The following DHRS7 variants were observed in gnomAD, a reference collection of about 807,000 sequenced individuals.
DHRS7 encodes dehydrogenase/reductase 7.
Under a neutral mutation model 38.9 loss-of-function variants are expected in DHRS7, and 34 were observed. The observed-to-expected ratio is 0.87, with a 90% CI of 0.66 to 1.16. The LOEUF (loss-of-function observed/expected upper bound fraction) is 1.16. Ranked by LOEUF, DHRS7 falls within the 50% of genes most tolerant of loss-of-function variation. The pLI is 0.00. For synonymous variants in DHRS7, 158 were observed against 153.1 expected (o/e 1.03, Z -0.24); for missense variants, 421 against 407.0 (o/e 1.03, Z -0.30).
chr14:60,154,837 A>G (rs1010748942), intron 2 of DHRS7, among the ~76,000 whole-genome samples: 2 of 152,136 alleles, frequency 1.3e-5, no homozygotes, highest in African/African-American at 4.8e-5. Flanking sequence ...TGGTTCATCT[A>G]CTCCACCAGT....
chr14:60,155,903 G>A, intron 2 of DHRS7, 97 bp downstream of exon 2: 1 of 1,231,224 alleles, frequency 8.1e-7, no homozygotes, highest in Non-Finnish European at 1.1e-6. Context: ...TTGGAGCCGG[G>A]GGGAAATCTC....
At position 60,144,958 on chromosome 14, in the gene DHRS7, T is replaced by TGC; in HGVS notation, c.*6_*7dup. 1.2e-6 allele frequency: 2 copies of TGC among 1,604,448 alleles called. No individual in the cohort carries two copies. The highest frequency in any genetic ancestry group is 2.2e-5 in the South Asian group (2 of 89,536). ...CCTCCAGTGGCTTGAAAAGTACAGG[T>TGC]GCTCTTTTCAGTCATGTTTTGTCTT... On this transcript the variant is annotated 3_prime_UTR_variant, in exon 7 of 7. Coordinates refer to ENST00000557185, the MANE Select transcript of DHRS7 (RefSeq NM_016029.4).
At chr14:60,165,445 C>G (rs1896853552), upstream of DHRS7, 4 of 1,372,360 alleles carry the variant, frequency 2.9e-6, no homozygotes, top group Non-Finnish European at 3.7e-6. The surrounding 1 kb of genome is among the most constrained non-coding windows in gnomAD (Gnocchi z 4.6). Context: ...GGGAGCAGGC[C>G]GGGAGGAGGA....
chr14:60,150,511 C>G (rs1896521617), intron 4 of DHRS7, among the ~76,000 whole-genome samples: 1 of 152,078 alleles, frequency 6.6e-6, no homozygotes, highest in African/African-American at 2.4e-5. Context: ...GTTCCCCTTC[C>G]TGTGTCCAAG....
chr14:60,152,924 T>C lies in DHRS7; in HGVS notation c.633+15A>G, dbSNP rs762386578. ...TTAAGTCAGTTCTATCAGAGTTGAG[T>C]TTGAGCAGCCTTACCCGGAGAGCAT... On this transcript the variant is annotated intron_variant, in intron 4 of 6. Coordinates refer to ENST00000557185, the MANE Select transcript of DHRS7 (RefSeq NM_016029.4). The C allele has an allele frequency of 1.2e-5, 19 of 1,613,698 alleles. No homozygotes were observed. In the African/African-American group the frequency reaches 2.5e-4, roughly 22 times the overall value.
At position 60,153,813 on chromosome 14, in the gene DHRS7, C is replaced by T. The variant is rs970547027; in HGVS notation, c.393+146G>A. On this transcript the variant is annotated intron_variant, in intron 3 of 6. Coordinates refer to ENST00000557185, the MANE Select transcript of DHRS7 (RefSeq NM_016029.4). The surrounding 1 kb of genome is among the most constrained non-coding windows in gnomAD (Gnocchi z 4.4). ...TACTAATTCCATAATGACAAAGGCT[C>T]AGAGATTAAGGGGCCCAACTCATGG... is the stretch of plus-strand genomic sequence containing the variant. 2 of 604,296 alleles carry T rather than the reference C, an allele frequency of 3.3e-6. No individual in the cohort carries two copies. The highest frequency in any genetic ancestry group is 3.7e-5 in the African/African-American group (2 of 53,888). The allele number at this position is 604,296 out of a possible 1,614,324, so 37.4% of individuals were successfully genotyped here.
chr14:60,168,567 A>C, upstream of DHRS7: 1 of 1,182,620 alleles, frequency 8.5e-7, no homozygotes, highest in Non-Finnish European at 1.2e-6. Flanking sequence ...GTGAATCTAT[A>C]ATCATTTTAA....
chr14:60,166,301 T>C (rs1896866312), upstream of DHRS7: 1 of 985,116 alleles, frequency 1.0e-6, no homozygotes, highest in South Asian at 4.7e-5. Context: ...CCAGTTAGAG[T>C]GCATAGAAAC....
chr14:60,166,180 A>G, upstream of DHRS7: 1 of 965,192 alleles, frequency 1.0e-6, no homozygotes, highest in South Asian at 4.8e-5. Context: ...AAAACATTTA[A>G]TTGCTTCCCA....
chr14:60,144,983 T>TA lies in DHRS7; in HGVS notation c.1002dup (p.Lys335Ter). On this transcript the variant is annotated frameshift_variant, in exon 7 of 7. Transcript: ENST00000557185. LOFTEE classifies it high-confidence loss of function. The stretch of plus-strand genomic sequence containing the variant: ...TGCTCTTTTCAGTCATGTTTTGTCT[T>TA]AAAGATTTTAAAATAAGAAGAGTCT... 1 of 1,603,140 alleles carries TA rather than the reference T, an allele frequency of 6.2e-7. No individual in the cohort carries two copies. The highest frequency in any genetic ancestry group is 8.5e-7 in the Non-Finnish European group (1 of 1,176,954).
At chr14:60,169,267 T>C (rs1482438365), upstream of DHRS7, 1 of 151,740 alleles carries the variant, frequency 6.6e-6, no homozygotes, top group Non-Finnish European at 1.5e-5. Context: ...CATACTGTTC[T>C]CTCCACATAG....
upstream of DHRS7, chr14:60,165,722 G>A (rs1159285871): frequency 5.3e-5 from 51 of 965,180 alleles, no homozygotes; most frequent in Non-Finnish European, 6.1e-5. The surrounding 1 kb of genome is among the most constrained non-coding windows in gnomAD (Gnocchi z 4.6). Context: ...ACGGCCAGGA[G>A]ACAGATAGAA....
chr14:60,152,993 A>C lies in DHRS7; in HGVS notation c.579T>G (p.Gly193=), dbSNP rs1211814307. ...CAATGGAAAGAGGTACAGATATGAT[A>C]CCCAGGATGCTATTCACAGTAACAA... ...GKIVTVNSIL[G]IISVPLSIGY... The change falls in exon 4 of 7, where the codon GGT becomes GGG. Residue 193 remains glycine, a synonymous_variant. Coordinates refer to ENST00000557185, the MANE Select transcript of DHRS7 (RefSeq NM_016029.4). 1 of 1,614,042 alleles carries C rather than the reference A, an allele frequency of 6.2e-7. No individual in the cohort carries two copies. Among genetic ancestry groups the C allele is most frequent in the African/African-American group, 1.3e-5 (1 of 74,928 alleles).
chr14:60,168,242 A>G (rs1896890659), upstream of DHRS7, among the ~76,000 whole-genome samples: 1 of 152,242 alleles, frequency 6.6e-6, no homozygotes, highest in Non-Finnish European at 1.5e-5. Flanking sequence ...TAGATTAGCC[A>G]ATTTCCACAG....
chr14:60,160,325 AAAAC>A (rs1257126283), intron 1 of DHRS7, among the ~76,000 whole-genome samples: 1 of 151,606 alleles, frequency 6.6e-6, no homozygotes, highest in Non-Finnish European at 1.5e-5. Context: ...CAAAAAACAA[AAAAC>A]AAAAAAAAAA....
chr14:60,154,072 A>G lies in DHRS7; in HGVS notation c.287-7T>C, dbSNP rs377013175. The G allele has an allele frequency of 3.4e-4, 547 of 1,610,926 alleles. 1 individual carries two copies. The highest frequency in any genetic ancestry group is 4.1e-4 in the Non-Finnish European group (479 of 1,177,544). On this transcript the variant is annotated splice_region_variant and splice_polypyrimidine_tract_variant and intron_variant, in intron 2 of 6. Transcript: ENST00000557185. ...TCTTTTAAATTGCCATTCTCTAAAT[A>G]AAGACAAAAATTTGTGTGGAAGTCA...
intron 4 of DHRS7, among the ~76,000 whole-genome samples, chr14:60,151,254 A>C (rs1896538448): frequency 6.6e-6 from 1 of 152,156 alleles, no homozygotes; most frequent in Non-Finnish European, 1.5e-5. Context: ...AACAGACTAG[A>C]CCTTCTAGAC....
chr14:60,156,154 TATGGAAGGAATGTAA>T lies in DHRS7; in HGVS notation c.134-17_134-3del, dbSNP rs1165681056. ...CCACCATATCAGTCAGCTCCCATTCTATGGAAGGAATGTAAATGGAAGGAAGAAAATAAGCAATGA... is the reference window on the plus strand; with the variant it reads ...CCACCATATCAGTCAGCTCCCATTCTATGGAAGGAAGAAAATAAGCAATGA... On this transcript the variant is annotated splice_polypyrimidine_tract_variant and splice_region_variant and intron_variant, in intron 1 of 6. Transcript: ENST00000557185. 6.4e-7 allele frequency: 1 copy of T among 1,560,008 alleles called. No homozygotes were observed. The highest frequency in any genetic ancestry group is 8.7e-7 in the Non-Finnish European group (1 of 1,155,926).
rs1009143441 is a variant in DHRS7 at position 60,153,899 on chromosome 14, T to C, written c.393+60A>G. 24 of 1,473,172 alleles carry C rather than the reference T, an allele frequency of 1.6e-5. No homozygotes were observed. The highest frequency in any genetic ancestry group is 2.2e-5 in the Non-Finnish European group (23 of 1,053,206). 91.3% of individuals were successfully genotyped at this position (1,473,172 alleles called of 1,614,324 possible). A position where few individuals can be genotyped will look rare whatever the true frequency, so the allele number is the denominator to read the frequency against. On this transcript the variant is annotated intron_variant, in intron 3 of 6. Transcript: ENST00000557185. This position sits in a 1 kb window ranked among gnomAD's most constrained non-coding sequence, Gnocchi z 4.4. ...GCCCTTTGTATGACAGCACCACGGA[T>C]GGGAATCTCTTCTGCAGTTACTTCA...
Sources: gnomAD v4.1 joint callset for allele counts (sites outside exome capture counted in the v4.1 genomes callset) on GRCh38, gnomAD v4.1.1 for gene constraint, Gnocchi (gnomAD v3.1) non-coding constraint, MANE v1.5 for transcripts, NCBI Gene and HGNC (gene_info 2026-07-23, HGNC 2026-07-21) for gene names.